TNFRSF9: variants seen among roughly 807,000 people sequenced by gnomAD.
TNFRSF9 encodes tumor necrosis factor receptor superfamily member 9.
TNFRSF9 carries 16 observed loss-of-function variants against 28.8 expected under a neutral mutation model. The observed-to-expected ratio is 0.55, with a 90% confidence interval of 0.38 to 0.84. The LOEUF is 0.84. TNFRSF9 is among the 40% of genes least tolerant of loss of function. The pLI, the probability that TNFRSF9 is intolerant of heterozygous loss-of-function variation, is 0.00. For synonymous variants in TNFRSF9, 131 were observed against 117.0 expected (o/e 1.12, Z -0.77); for missense variants, 303 against 315.0 (o/e 0.96, Z 0.29).
In TNFRSF9 at chr1:7,933,263, G is replaced by T; in HGVS notation, c.578C>A (p.Ala193Glu). 1.9e-6 allele frequency: 3 copies of T among 1,613,656 alleles called. No individual in the cohort carries two copies. Among genetic ancestry groups the T allele is most frequent in the Non-Finnish European group, 2.5e-6 (3 of 1,179,732 alleles). The change falls in exon 7 of 8, where the codon GCG (alanine) becomes GAG (glutamate). Residue 193 changes from alanine to glutamate, a missense_variant. Ala to Glu is a moderately radical substitution (Grantham distance 107, BLOSUM62 -1). Coordinates refer to ENST00000377507, the MANE Select transcript of TNFRSF9 (RefSeq NM_001561.6). Reference sequence around the variant, plus strand: ...GAAGAGCAACGCAGTCGACGTCAGCGCAAGAAAGAAGGAGATGATCTGCGG... The same window carrying T: ...GAAGAGCAACGCAGTCGACGTCAGCTCAAGAAAGAAGGAGATGATCTGCGG... Reference protein sequence around the residue: ...HSPQIISFFLALTSTALLFLL... With the variant: ...HSPQIISFFLELTSTALLFLL...
chr1:7,931,238 T>G (rs899176431), intron 7 of TNFRSF9, among the ~76,000 whole-genome samples: 6 of 152,238 alleles, frequency 3.9e-5, no homozygotes, highest in Admixed American at 3.9e-4. Flanking sequence ...ATACACATGT[T>G]CCTTGTAGCT....
rs1299802356 is a variant in TNFRSF9 at position 7,916,846 on chromosome 1, A to T, written c.*3989T>A. 1 of 152,234 alleles carries T rather than the reference A, an allele frequency of 6.6e-6. No homozygotes were observed. The highest frequency in any genetic ancestry group is 2.4e-5 in the African/African-American group (1 of 41,460). 9.4% of individuals were successfully genotyped at this position (152,234 alleles called of 1,614,324 possible). On this transcript the variant is annotated 3_prime_UTR_variant, in exon 8 of 8. Transcript: ENST00000377507. ...TCTCCCTAAATTGACCTGTAGATTT[A>T]ATGAAATTCCAATCCAAATCTTTTC...
intron 7 of TNFRSF9, 41 bp downstream of exon 7, chr1:7,933,121 C>G: frequency 7.7e-6 from 12 of 1,551,138 alleles, no homozygotes; most frequent in Non-Finnish European, 9.6e-6. Flanking sequence ...TATAAAAAGC[C>G]TTGCCTTGCC....
Position 7,920,542 on chromosome 1 carries a change from C to A in TNFRSF9, c.*293G>T. On this transcript the variant is annotated 3_prime_UTR_variant, in exon 8 of 8. Transcript: ENST00000377507. ...GCCCTTCCTTGTAGTTCCAGCTACT[C>A]AGGAGACTGAGGCAGGAGGATCACT... is the stretch of plus-strand genomic sequence containing the variant. 1 of 280,606 alleles carries A rather than the reference C, an allele frequency of 3.6e-6. No homozygotes were observed. Among genetic ancestry groups the A allele is most frequent in the Non-Finnish European group, 6.7e-6 (1 of 149,030 alleles). The allele number at this position is 280,606 out of a possible 1,614,324, so 17.4% of individuals were successfully genotyped here. A position where few individuals can be genotyped will look rare whatever the true frequency, so the allele number is the denominator to read the frequency against.
At chr1:7,929,612 A>G (rs1639705486) in intron 7 of TNFRSF9, among the ~76,000 whole-genome samples, 1 of 152,134 alleles carries the variant, frequency 6.6e-6, no homozygotes, top group South Asian at 2.1e-4. Flanking sequence ...ATACCATATG[A>G]TTCTATTTAT....
chr1:7,926,563 G>A (rs527829408), intron 7 of TNFRSF9, among the ~76,000 whole-genome samples: 2 of 152,168 alleles, frequency 1.3e-5, no homozygotes, highest in African/African-American at 4.8e-5. Flanking sequence ...GCTTTTTGTA[G>A]ATATAGATAT....
intron 7 of TNFRSF9, among the ~76,000 whole-genome samples, chr1:7,928,177 A>G (rs564998057): frequency 6.6e-6 from 1 of 152,346 alleles, no homozygotes; most frequent in Non-Finnish European, 1.5e-5. Context: ...GCAAGGATGC[A>G]GAGAAACTCC....
At chr1:7,936,144 A>G (rs1205829089) in intron 5 of TNFRSF9, among the ~76,000 whole-genome samples, 1 of 152,090 alleles carries the variant, frequency 6.6e-6, no homozygotes, top group East Asian at 1.9e-4. Context: ...AGCTGGGCAC[A>G]GTGGCTCACA....
intron 7 of TNFRSF9, among the ~76,000 whole-genome samples, chr1:7,922,457 T>G (rs965841477): frequency 1.3e-5 from 2 of 152,106 alleles, no homozygotes; most frequent in Non-Finnish European, 2.9e-5. Flanking sequence ...CATTTCCCTC[T>G]GACTGGGAAC....
At chr1:7,927,773 A>C (rs2151414545) in intron 7 of TNFRSF9, among the ~76,000 whole-genome samples, 1 of 152,252 alleles carries the variant, frequency 6.6e-6, no homozygotes, top group African/African-American at 2.4e-5. Flanking sequence ...GACTCAGTGA[A>C]GAATTCTTAG....
intron 7 of TNFRSF9, among the ~76,000 whole-genome samples, chr1:7,925,038 G>A (rs1026365360): frequency 8.5e-5 from 13 of 152,130 alleles, no homozygotes; most frequent in African/African-American, 3.1e-4. Flanking sequence ...TATAGGCTGG[G>A]TGCGGTGGCT....
chr1:7,935,199 G>C, intron 5 of TNFRSF9, 56 bp from the exon 6 acceptor site: 1 of 1,571,184 alleles, frequency 6.4e-7, no homozygotes, highest in Non-Finnish European at 8.7e-7. Context: ...AGAAGATTCT[G>C]GTTTAAAACT....
intron 2 of TNFRSF9, among the ~76,000 whole-genome samples, chr1:7,939,524 G>A (rs952852319): frequency 6.6e-6 from 1 of 152,186 alleles, no homozygotes. Flanking sequence ...TCCCCACTCT[G>A]TTAAGCCCTT....
chr1:7,928,518 T>A (rs184201151), intron 7 of TNFRSF9, among the ~76,000 whole-genome samples: 28 of 152,338 alleles, frequency 1.8e-4, no homozygotes, highest in Non-Finnish European at 2.6e-4. Context: ...GGCATTGTGC[T>A]GAGTGAAAAA....
intron 7 of TNFRSF9, among the ~76,000 whole-genome samples, chr1:7,932,411 G>A (rs1639744599): frequency 2.0e-5 from 3 of 152,110 alleles, no homozygotes; most frequent in Admixed American, 1.3e-4. Flanking sequence ...TCAGTGCCAG[G>A]CACTTGCTGA....
At chr1:7,921,168 C>T (rs1639551954) in intron 7 of TNFRSF9, among the ~76,000 whole-genome samples, 1 of 150,610 alleles carries the variant, frequency 6.6e-6, no homozygotes, top group African/African-American at 2.4e-5. Flanking sequence ...AAACCCCATC[C>T]CTACTAAAAA....
intron 7 of TNFRSF9, among the ~76,000 whole-genome samples, chr1:7,931,765 G>C (rs533442154): frequency 6.6e-6 from 1 of 152,340 alleles, no homozygotes; most frequent in East Asian, 1.9e-4. Flanking sequence ...TTACATTTAT[G>C]CATTTTTCTG....
intron 7 of TNFRSF9, among the ~76,000 whole-genome samples, chr1:7,929,090 G>A (rs1362635861): frequency 1.3e-5 from 2 of 150,622 alleles, no homozygotes; most frequent in Non-Finnish European, 3.0e-5. Flanking sequence ...ATTGATCTTT[G>A]TAGCAAAGGA....
chr1:7,937,206 T>G (rs954487422), intron 5 of TNFRSF9, among the ~76,000 whole-genome samples: 4 of 152,216 alleles, frequency 2.6e-5, no homozygotes, highest in Admixed American at 2.0e-4. Flanking sequence ...ACAGGCTCTC[T>G]GCTCTGGAGT....
Sources: gnomAD v4.1 joint callset for allele counts (sites outside exome capture counted in the v4.1 genomes callset) on GRCh38, gnomAD v4.1.1 for gene constraint, MANE v1.5 for transcripts, NCBI Gene and HGNC (gene_info 2026-07-23, HGNC 2026-07-21) for gene names.